Variants in ALK observed in about 807,000 individuals in gnomAD.
ALK encodes ALK receptor tyrosine kinase.
Under a neutral mutation model 163.1 loss-of-function variants are expected in ALK, and 74 were observed. The observed-to-expected ratio is 0.45, with a 90% confidence interval of 0.38 to 0.55. The LOEUF is 0.55. Ranked by LOEUF, ALK falls within the 20% of genes least tolerant of loss-of-function variation. The pLI is 0.00. For missense variants in ALK, 2,063 were observed against 2,105.3 expected (o/e 0.98, Z 0.39); for synonymous variants, 960 against 843.2 (o/e 1.14, Z -2.40).
At chr2:29,574,636 C>G (rs1465647185) in intron 3 of ALK, among the ~76,000 whole-genome samples, 1 of 152,238 alleles carries the variant, frequency 6.6e-6, no homozygotes, top group Non-Finnish European at 1.5e-5. Flanking sequence ...GTGAGAAAAG[C>G]TTGACCTCTG....
intron 9 of ALK, among the ~76,000 whole-genome samples, chr2:29,293,850 A>ATTTCATGTAACAGCCAGGG (rs1666105009): frequency 7.9e-5 from 1 of 12,588 alleles, no homozygotes; most frequent in African/African-American, 1.2e-4. Flanking sequence ...GATTTCCAAT[A>ATTTCATGTAACAGCCAGGG]CCGTTGACTA....
intron 7 of ALK, among the ~76,000 whole-genome samples, 167 bp downstream of exon 7, chr2:29,320,584 G>C (rs186140764): frequency 2.4e-4 from 36 of 152,282 alleles, no homozygotes; most frequent in Middle Eastern, 3.4e-3. Context: ...TTAATCACTC[G>C]AAAGCCCAAG....
At chr2:29,909,204 G>T (rs116340532) in intron 1 of ALK, among the ~76,000 whole-genome samples, 2,842 of 152,280 alleles carry the variant, frequency 0.019, 96 homozygotes, top group African/African-American at 0.065. Context: ...CAAAATATTT[G>T]AAAGAAACTG....
intron 4 of ALK, among the ~76,000 whole-genome samples, chr2:29,432,773 C>A (rs578176617): frequency 1.3e-5 from 2 of 149,754 alleles, no homozygotes; most frequent in Non-Finnish European, 3.0e-5. Context: ...GGATCCATTG[C>A]GCATCAATTG....
At chr2:29,767,722 C>T (rs1447382368) in intron 1 of ALK, among the ~76,000 whole-genome samples, 1 of 152,188 alleles carries the variant, frequency 6.6e-6, no homozygotes, top group Non-Finnish European at 1.5e-5. Context: ...TTATAGTACA[C>T]TCCAGTGATG....
intron 2 of ALK, among the ~76,000 whole-genome samples, chr2:29,698,097 C>A (rs899780066): frequency 6.6e-6 from 1 of 152,190 alleles, no homozygotes; most frequent in Non-Finnish European, 1.5e-5. Context: ...CTTGCCCTTT[C>A]ACGATTCAGA....
intron 1 of ALK, among the ~76,000 whole-genome samples, chr2:29,885,802 T>C (rs1381561251): frequency 6.6e-6 from 1 of 152,206 alleles, no homozygotes; most frequent in African/African-American, 2.4e-5. Context: ...TTTACTTCTT[T>C]TGCAACATGT....
At chr2:29,775,922 C>T (rs10495772) in intron 1 of ALK, among the ~76,000 whole-genome samples, 2,108 of 152,206 alleles carry the variant, frequency 0.014, 45 homozygotes, top group African/African-American at 0.048. Flanking sequence ...CATTCTTGAG[C>T]ATTTTGAAAA....
At chr2:29,452,990 G>A (rs1484668156) in intron 4 of ALK, among the ~76,000 whole-genome samples, 3 of 152,178 alleles carry the variant, frequency 2.0e-5, no homozygotes, top group Non-Finnish European at 4.4e-5. Flanking sequence ...AAGCAGATAC[G>A]ATAATTAAAT....
chr2:29,561,589 A>G (rs1674024618), intron 3 of ALK, among the ~76,000 whole-genome samples: 1 of 152,250 alleles, frequency 6.6e-6, no homozygotes, highest in Non-Finnish European at 1.5e-5. Context: ...ACATGTGTTC[A>G]TAAATGTTCA....
chr2:29,327,152 C>G (rs1667289331), intron 6 of ALK, among the ~76,000 whole-genome samples: 2 of 152,212 alleles, frequency 1.3e-5, no homozygotes, highest in South Asian at 2.1e-4. Context: ...CTGCGGGGAG[C>G]ACCATGTTCA....
At chr2:29,541,440 A>T (rs185333749) in intron 3 of ALK, among the ~76,000 whole-genome samples, 296 of 152,246 alleles carry the variant, frequency 1.9e-3, no homozygotes, top group Non-Finnish European at 3.1e-3. Flanking sequence ...TTACAGGCTC[A>T]CTACCACACC....
intron 1 of ALK, among the ~76,000 whole-genome samples, chr2:29,860,346 T>C (rs536400339): frequency 5.4e-5 from 8 of 149,156 alleles, no homozygotes; most frequent in Non-Finnish European, 1.0e-4. Flanking sequence ...GGATGGGTAA[T>C]GTCCTGAGGT....
At chr2:29,572,065 C>T (rs1674391311) in intron 3 of ALK, among the ~76,000 whole-genome samples, 1 of 152,142 alleles carries the variant, frequency 6.6e-6, no homozygotes. Flanking sequence ...GCTCAGCTCC[C>T]TGGAGGCAAC....
chr2:29,665,827 AT>A (rs34302250), intron 3 of ALK, among the ~76,000 whole-genome samples: 35 of 150,612 alleles, frequency 2.3e-4, no homozygotes, highest in African/African-American at 5.4e-4. Flanking sequence ...CTTTCAAATG[AT>A]TTTTTTTTTC....
intron 3 of ALK, among the ~76,000 whole-genome samples, chr2:29,562,750 A>G (rs1467226959): frequency 1.3e-5 from 2 of 152,242 alleles, no homozygotes; most frequent in Non-Finnish European, 2.9e-5. Flanking sequence ...GACTGTCTAC[A>G]GAGAAGGAAT....
chr2:29,730,357 A>G (rs552779084), intron 1 of ALK, among the ~76,000 whole-genome samples: 3 of 152,356 alleles, frequency 2.0e-5, no homozygotes, highest in Non-Finnish European at 4.4e-5. Context: ...TTATAGTGTT[A>G]TGTAAGTGCT....
intron 1 of ALK, among the ~76,000 whole-genome samples, chr2:29,769,681 G>A (rs1442526429): frequency 2.0e-5 from 3 of 152,210 alleles, no homozygotes; most frequent in Non-Finnish European, 4.4e-5. Flanking sequence ...CTTTAGAGGA[G>A]TGATCAGACA....
At chr2:29,436,704 C>A (rs139336886) in intron 4 of ALK, among the ~76,000 whole-genome samples, 2 of 152,274 alleles carry the variant, frequency 1.3e-5, no homozygotes, top group African/African-American at 2.4e-5. Flanking sequence ...ATGGCCCAAT[C>A]GTATCTGTGA....
Sources: allele counts gnomAD v4.1 joint callset (sites outside exome capture counted in the v4.1 genomes callset), GRCh38; gene constraint gnomAD v4.1.1; transcripts MANE v1.5; gene names NCBI Gene and HGNC (gene_info 2026-07-23, HGNC 2026-07-21).